The following THTPA variants were observed in gnomAD, a reference collection of about 807,000 sequenced individuals.
THTPA encodes the protein thiamine-triphosphatase.
Under a neutral mutation model 16.5 loss-of-function variants are expected in THTPA, and 16 were observed. The ratio of observed to expected loss-of-function variants is 0.97; its 90% confidence interval spans 0.66 to 1.47. The LOEUF (loss-of-function observed/expected upper bound fraction) is 1.47, where lower values mean the gene tolerates loss of function less well. Ranked by LOEUF, THTPA falls within the 40% of genes most tolerant of loss-of-function variation. THTPA has a pLI of 0.00. For synonymous variants in THTPA, 110 were observed against 115.5 expected (o/e 0.95, Z 0.30); for missense variants, 281 against 280.9 (o/e 1.00, Z 0.00).
chr14:23,523,103 A>G, the THTPA span: 1 of 1,406,428 alleles, frequency 7.1e-7, no homozygotes, highest in Non-Finnish European at 9.2e-7. The surrounding 1 kb of genome is among the most constrained non-coding windows in gnomAD (Gnocchi z 4.1). Context: ...GGAAGGCCAC[A>G]GGAGATTGGG....
the THTPA span, among the ~76,000 whole-genome samples, chr14:23,550,436 G>T: frequency 6.6e-6 from 1 of 152,244 alleles, no homozygotes; most frequent in Non-Finnish European, 1.5e-5. Context: ...GGCAGCCAAG[G>T]CGTGACACAT....
At chr14:23,547,419 T>A in the THTPA span, among the ~76,000 whole-genome samples, 1 of 152,360 alleles carries the variant, frequency 6.6e-6, no homozygotes, top group South Asian at 2.1e-4. Flanking sequence ...GGATGCTACT[T>A]TTAATTCACA....
the THTPA span, chr14:23,528,866 G>A: frequency 4.1e-6 from 4 of 982,508 alleles, no homozygotes; most frequent in East Asian, 3.4e-4. Flanking sequence ...CTGCATCCAG[G>A]CTGGCACCAG....
At chr14:23,527,835 T>C in the THTPA span, 2 of 1,528,500 alleles carry the variant, frequency 1.3e-6, no homozygotes, top group Non-Finnish European at 1.7e-6. Context: ...GTGGACGAAG[T>C]GTCAGGGAAG....
the THTPA span, among the ~76,000 whole-genome samples, chr14:23,535,940 T>C: frequency 6.6e-6 from 1 of 152,090 alleles, no homozygotes. The surrounding 1 kb of genome is among the most constrained non-coding windows in gnomAD (Gnocchi z 4.5). Flanking sequence ...ATCTTTCCTA[T>C]CTCCAAAGTT....
chr14:23,555,501 T>C (rs1882288190), upstream of THTPA, among the ~76,000 whole-genome samples: 1 of 152,092 alleles, frequency 6.6e-6, no homozygotes, highest in South Asian at 2.1e-4. Context: ...TCCATCTAGG[T>C]CTCCAACTGT....
the THTPA span, chr14:23,525,319 C>T: frequency 6.5e-7 from 1 of 1,536,072 alleles, no homozygotes; most frequent in Non-Finnish European, 8.7e-7. This position sits in a 1 kb window ranked among gnomAD's most constrained non-coding sequence, Gnocchi z 5.9. Context: ...CAGGTGAATC[C>T]AGAGACCCAT....
chr14:23,559,784 C>A lies in THTPA; in HGVS notation c.*944C>A. On this transcript the variant is annotated 3_prime_UTR_variant, in exon 2 of 2. Transcript: ENST00000288014. Reference sequence around the variant, plus strand: ...GATTCCACAGGCAAGTTGTTCACCTCAAAGATCTCCTGCACCGACTGGTGA... The same window carrying A: ...GATTCCACAGGCAAGTTGTTCACCTAAAAGATCTCCTGCACCGACTGGTGA... 1 of 1,614,124 alleles carries A rather than the reference C, an allele frequency of 6.2e-7. No individual in the cohort carries two copies. Among genetic ancestry groups the A allele is most frequent in the Non-Finnish European group, 8.5e-7 (1 of 1,180,026 alleles).
chr14:23,548,714 G>A, the THTPA span, among the ~76,000 whole-genome samples: 10 of 152,162 alleles, frequency 6.6e-5, no homozygotes, highest in South Asian at 2.1e-4. Flanking sequence ...ATGAATGCTC[G>A]TGAGGTTCTC....
At chr14:23,522,500 C>A in the THTPA span, 1 of 1,533,224 alleles carries the variant, frequency 6.5e-7, no homozygotes, top group Non-Finnish European at 8.7e-7. Flanking sequence ...GGGGAGCAGC[C>A]CAATGAGGGT....
At chr14:23,523,368 C>T in the THTPA span, 1 of 1,481,778 alleles carries the variant, frequency 6.7e-7, no homozygotes, top group African/African-American at 1.4e-5. The surrounding 1 kb of genome is among the most constrained non-coding windows in gnomAD (Gnocchi z 4.1). Flanking sequence ...GGTGCTGGGG[C>T]CAAGTCGTAG....
chr14:23,533,274 C>G, the THTPA span: 1 of 1,436,194 alleles, frequency 7.0e-7, no homozygotes, highest in South Asian at 1.5e-5. This position sits in a 1 kb window ranked among gnomAD's most constrained non-coding sequence, Gnocchi z 4.8. Flanking sequence ...GGAAGAAGCA[C>G]AGAAGCTTAC....
At chr14:23,531,628 C>G in the THTPA span, 1 of 1,522,516 alleles carries the variant, frequency 6.6e-7, no homozygotes, top group Admixed American at 2.0e-5. Flanking sequence ...TGTTGCAGCA[C>G]AGCCAAGCGG....
the THTPA span, chr14:23,525,721 C>A: frequency 1.3e-6 from 2 of 1,514,846 alleles, no homozygotes; most frequent in South Asian, 1.3e-5. This position sits in a 1 kb window ranked among gnomAD's most constrained non-coding sequence, Gnocchi z 5.9. Flanking sequence ...CCCACTCCCG[C>A]TCAGCCAGCT....
the THTPA span, chr14:23,525,795 G>T: frequency 1.3e-6 from 2 of 1,482,310 alleles, no homozygotes. This position sits in a 1 kb window ranked among gnomAD's most constrained non-coding sequence, Gnocchi z 5.9. Context: ...ACAGGTGCAG[G>T]CCCAGCTAGT....
At chr14:23,519,107 G>C in the THTPA span, among the ~76,000 whole-genome samples, 22 of 152,174 alleles carry the variant, frequency 1.4e-4, no homozygotes, top group African/African-American at 5.1e-4. Flanking sequence ...ACCGCACGTG[G>C]TATTGCCAGG....
the THTPA span, among the ~76,000 whole-genome samples, chr14:23,512,085 A>T: frequency 3.7e-3 from 558 of 151,512 alleles, 3 homozygotes; most frequent in African/African-American, 0.013. Context: ...TCCCCTCTGC[A>T]CCCCCAGCCT....
intron 1 of THTPA, among the ~76,000 whole-genome samples, chr14:23,557,875 G>A (rs1471445688): frequency 6.6e-6 from 1 of 152,200 alleles, no homozygotes; most frequent in Non-Finnish European, 1.5e-5. Flanking sequence ...CTGATGCACT[G>A]CCCACTACAC....
chr14:23,553,699 CCTGA>C (rs1454289236), upstream of THTPA, among the ~76,000 whole-genome samples: 3 of 150,676 alleles, frequency 2.0e-5, no homozygotes, highest in Non-Finnish European at 4.4e-5. Flanking sequence ...TCGAGACCAT[CCTGA>C]CTAACAGGGT....
Sources: allele counts gnomAD v4.1 joint callset (sites outside exome capture counted in the v4.1 genomes callset), GRCh38; gene constraint gnomAD v4.1.1; non-coding constraint Gnocchi (gnomAD v3.1); transcripts MANE v1.5; gene names NCBI Gene and HGNC (gene_info 2026-07-23, HGNC 2026-07-21).